The following PTPRD variants were observed in gnomAD, a reference collection of about 807,000 sequenced individuals.
The protein encoded by PTPRD is receptor-type tyrosine-protein phosphatase delta.
In PTPRD, 34 loss-of-function variants were observed where a neutral mutation model predicts 214.5. The observed-to-expected ratio is 0.16, with a 90% confidence interval of 0.12 to 0.21. The LOEUF (loss-of-function observed/expected upper bound fraction) is 0.21. Among genes scored for constraint, PTPRD ranks in the 10% least tolerant of loss-of-function variants. The probability of loss-of-function intolerance (pLI) is 1.00; values close to 1 mark genes in which losing one functional copy is unlikely to be tolerated. For synonymous variants in PTPRD, 1,128 were observed against 845.7 expected, an observed-to-expected ratio of 1.33 and a Z score of -5.79; for missense variants, 2,545 against 2,398.7, an observed-to-expected ratio of 1.06 and a Z score of -1.27.
At chr9:9,425,252 C>T (rs1167414402) in intron 8 of PTPRD, among the ~76,000 whole-genome samples, 2 of 151,818 alleles carry the variant, frequency 1.3e-5, no homozygotes, top group African/African-American at 2.4e-5. Flanking sequence ...GAGAGACATA[C>T]CAAATATGCT....
chr9:8,944,586 A>T (rs1470037723), intron 11 of PTPRD, among the ~76,000 whole-genome samples: 1 of 152,110 alleles, frequency 6.6e-6, no homozygotes, highest in Non-Finnish European at 1.5e-5. Flanking sequence ...TGAGAATGAG[A>T]TCCTGTCATT....
At chr9:9,454,375 T>C (rs549403748) in intron 8 of PTPRD, among the ~76,000 whole-genome samples, 1 of 151,688 alleles carries the variant, frequency 6.6e-6, no homozygotes, top group Non-Finnish European at 1.5e-5. Context: ...CCAGTATGAG[T>C]TGGCTCTAGC....
At chr9:9,830,905 T>C (rs942639235) in intron 5 of PTPRD, among the ~76,000 whole-genome samples, 2 of 151,922 alleles carry the variant, frequency 1.3e-5, no homozygotes, top group African/African-American at 2.4e-5. Context: ...ATCAAAATTG[T>C]CCAACGTAAA....
At chr9:8,955,130 G>T (rs1340524854) in intron 11 of PTPRD, among the ~76,000 whole-genome samples, 1 of 151,876 alleles carries the variant, frequency 6.6e-6, no homozygotes, top group Non-Finnish European at 1.5e-5. Context: ...GCTGAAGTGG[G>T]ATATAATAAT....
chr9:9,413,464 A>G (rs1433217050), intron 8 of PTPRD, among the ~76,000 whole-genome samples: 2 of 152,230 alleles, frequency 1.3e-5, no homozygotes, highest in Non-Finnish European at 2.9e-5. Context: ...GTTAGTAATA[A>G]GCAAGAAATG....
intron 35 of PTPRD, among the ~76,000 whole-genome samples, chr9:8,408,659 C>T (rs1292225086): frequency 6.6e-6 from 1 of 152,134 alleles, no homozygotes; most frequent in African/African-American, 2.4e-5. Flanking sequence ...ATCAAAAAGC[C>T]TCTTGAAAGA....
intron 2 of PTPRD, among the ~76,000 whole-genome samples, chr9:10,518,361 A>G (rs2050822878): frequency 6.6e-6 from 1 of 152,100 alleles, no homozygotes; most frequent in African/African-American, 2.4e-5. Context: ...TCTATTAATT[A>G]CCTACATGTA....
chr9:9,964,994 T>C (rs914907734), intron 4 of PTPRD, among the ~76,000 whole-genome samples: 1 of 152,150 alleles, frequency 6.6e-6, no homozygotes, highest in African/African-American at 2.4e-5. Context: ...CTAACAAAAA[T>C]TCATAATTTT....
intron 11 of PTPRD, among the ~76,000 whole-genome samples, chr9:9,006,606 C>G (rs1307839868): frequency 6.6e-6 from 1 of 151,972 alleles, no homozygotes; most frequent in Non-Finnish European, 1.5e-5. Flanking sequence ...GTTATTTTTA[C>G]TGTGAAATTG....
chr9:9,406,626 A>C (rs1411847379), intron 8 of PTPRD, among the ~76,000 whole-genome samples: 2 of 151,876 alleles, frequency 1.3e-5, no homozygotes, highest in Non-Finnish European at 2.9e-5. Context: ...TGAGTTTTCA[A>C]TACCATTCCC....
At chr9:8,335,872 T>C (rs752759210) in intron 43 of PTPRD, among the ~76,000 whole-genome samples, 1 of 152,138 alleles carries the variant, frequency 6.6e-6, no homozygotes, top group Non-Finnish European at 1.5e-5. Context: ...TGAACTCCCA[T>C]TCACAATTGC....
chr9:8,424,828 T>G (rs2094560327), intron 35 of PTPRD, among the ~76,000 whole-genome samples: 2 of 152,084 alleles, frequency 1.3e-5, no homozygotes. Flanking sequence ...TGCCTGCTGT[T>G]AAGGAAATTT....
At chr9:10,582,431 C>T (rs1271991015) in intron 2 of PTPRD, among the ~76,000 whole-genome samples, 1 of 152,114 alleles carries the variant, frequency 6.6e-6, no homozygotes, top group Non-Finnish European at 1.5e-5. Flanking sequence ...TTAAAGTTCT[C>T]CTCAAATCCA....
chr9:8,778,785 G>A (rs890273063), intron 11 of PTPRD, among the ~76,000 whole-genome samples: 2 of 152,076 alleles, frequency 1.3e-5, no homozygotes, highest in African/African-American at 4.8e-5. Flanking sequence ...CATCCACTCT[G>A]AGCTTCAGTT....
In PTPRD at chr9:9,646,326, TGTGTGTGTGTGTGTGTGG is replaced by T. The variant is rs1564283365; in HGVS notation, c.-286-71563_-286-71546del. On this transcript the variant is annotated intron_variant, in intron 7 of 45. Transcript: ENST00000381196. ...GGGTGTGTGTGTGTGTGGGTGTGTG[TGTGTGTGTGTGTGTGTGG>T]GTGTGTGTGTGTGTGTGTATTTGCC... Among the ~76,000 whole-genome samples, 915 of 149,766 alleles carry T rather than the reference TGTGTGTGTGTGTGTGTGG, an allele frequency of 6.1e-3. 7 individuals carry two copies. The highest frequency in any genetic ancestry group is 0.022 in the African/African-American group (882 of 39,934).
chr9:8,779,032 G>A (rs945380709), intron 11 of PTPRD, among the ~76,000 whole-genome samples: 1 of 152,028 alleles, frequency 6.6e-6, no homozygotes, highest in Non-Finnish European at 1.5e-5. Flanking sequence ...ACTCTGAAAC[G>A]TAAAGCTCAA....
chr9:10,436,542 CATATT>C (rs766979395), intron 2 of PTPRD, among the ~76,000 whole-genome samples: 5 of 151,644 alleles, frequency 3.3e-5, no homozygotes, highest in African/African-American at 9.7e-5. Flanking sequence ...ATACAGTACA[CATATT>C]ATATTATATA....
chr9:9,697,289 T>C (rs1163239528), intron 7 of PTPRD, among the ~76,000 whole-genome samples: 2 of 152,216 alleles, frequency 1.3e-5, no homozygotes, highest in African/African-American at 2.4e-5. Context: ...TAACTTCAAA[T>C]GTTTTCTCTT....
intron 9 of PTPRD, among the ~76,000 whole-genome samples, chr9:9,330,336 T>C (rs2041845391): frequency 6.6e-6 from 1 of 152,144 alleles, no homozygotes; most frequent in Non-Finnish European, 1.5e-5. Context: ...TGAAGCTGTA[T>C]AAGAAGAAAT....
Sources: allele counts gnomAD v4.1 joint callset (sites outside exome capture counted in the v4.1 genomes callset), GRCh38; gene constraint gnomAD v4.1.1; transcripts MANE v1.5; gene names NCBI Gene and HGNC (gene_info 2026-07-23, HGNC 2026-07-21).